The following CEP15 variants were observed in gnomAD, a reference collection of about 807,000 sequenced individuals.
The protein encoded by CEP15 is centrosomal protein 15.
At chr3:62,331,436 C>CCTAT in the CEP15 span, 1 of 1,523,732 alleles carries the variant, frequency 6.6e-7, no homozygotes, top group Non-Finnish European at 9.1e-7. Context: ...AAAGAGAGAC[C>CCTAT]CTATCTATCT....
the CEP15 span, chr3:62,331,496 A>G: frequency 8.6e-6 from 9 of 1,041,990 alleles, no homozygotes; most frequent in Admixed American, 4.0e-5. Flanking sequence ...TTTTCCAGAT[A>G]TATTTATTCA....
the CEP15 span, chr3:62,323,931 C>T: frequency 6.6e-6 from 1 of 152,192 alleles, no homozygotes; most frequent in Non-Finnish European, 1.5e-5. Flanking sequence ...TATTATATCA[C>T]AAACACAGTG....
chr3:62,333,274 T>G, the CEP15 span: 2 of 1,610,358 alleles, frequency 1.2e-6, no homozygotes, highest in Non-Finnish European at 1.7e-6. The surrounding 1 kb of genome is among the most constrained non-coding windows in gnomAD (Gnocchi z 4.0). Context: ...TGGGCATCAG[T>G]AGAAGAATAT....
chr3:62,321,234 T>A, the CEP15 span, among the ~76,000 whole-genome samples: 1 of 152,156 alleles, frequency 6.6e-6, no homozygotes, highest in African/African-American at 2.4e-5. This position sits in a 1 kb window ranked among gnomAD's most constrained non-coding sequence, Gnocchi z 4.1. Context: ...CAAAAACATA[T>A]AAAATAAGCA....
At chr3:62,331,350 TA>T in the CEP15 span, 5 of 1,613,020 alleles carry the variant, frequency 3.1e-6, no homozygotes, top group Non-Finnish European at 4.2e-6. Flanking sequence ...GAAAAGTCAC[TA>T]CAGACCAGGA....
At chr3:62,325,803 G>A in the CEP15 span, among the ~76,000 whole-genome samples, 1 of 152,080 alleles carries the variant, frequency 6.6e-6, no homozygotes, top group Non-Finnish European at 1.5e-5. Context: ...GGAGGCCAAG[G>A]CGGGCAGATC....
the CEP15 span, chr3:62,333,109 G>A: frequency 1.5e-6 from 1 of 651,846 alleles, no homozygotes; most frequent in Non-Finnish European, 2.3e-6. This position sits in a 1 kb window ranked among gnomAD's most constrained non-coding sequence, Gnocchi z 4.0. Flanking sequence ...ATATTCTGTA[G>A]AGGAAATGCA....
At chr3:62,328,486 A>C in the CEP15 span, among the ~76,000 whole-genome samples, 1 of 152,224 alleles carries the variant, frequency 6.6e-6, no homozygotes, top group Non-Finnish European at 1.5e-5. Flanking sequence ...CATAATAGTT[A>C]GATTTGTCAC....
the CEP15 span, chr3:62,333,636 TATTA>T: frequency 3.4e-6 from 1 of 291,676 alleles, no homozygotes; most frequent in African/African-American, 2.2e-5. The surrounding 1 kb of genome is among the most constrained non-coding windows in gnomAD (Gnocchi z 4.0). Context: ...GTGGACTCTT[TATTA>T]ATTAAATTAT....
At chr3:62,333,167 C>G in the CEP15 span, 1 of 1,300,668 alleles carries the variant, frequency 7.7e-7, no homozygotes, top group African/African-American at 1.5e-5. This position sits in a 1 kb window ranked among gnomAD's most constrained non-coding sequence, Gnocchi z 4.0. Flanking sequence ...CGCATACACA[C>G]TCTTAAGTGA....
the CEP15 span, chr3:62,333,889 A>G: frequency 6.6e-6 from 1 of 152,276 alleles, no homozygotes; most frequent in Non-Finnish European, 1.5e-5. The surrounding 1 kb of genome is among the most constrained non-coding windows in gnomAD (Gnocchi z 4.0). Flanking sequence ...AAATAAATTC[A>G]TAGGATTTTG....
chr3:62,331,440 T>C, the CEP15 span: 25 of 1,499,346 alleles, frequency 1.7e-5, no homozygotes, highest in African/African-American at 3.2e-4. Flanking sequence ...AGAGACCCTA[T>C]CTATCTATCA....
the CEP15 span, chr3:62,319,538 C>T: frequency 6.6e-6 from 1 of 152,162 alleles, no homozygotes; most frequent in Admixed American, 6.5e-5. Flanking sequence ...GCGGTGTTTC[C>T]GTTTTCCTTG....
chr3:62,322,023 T>G, the CEP15 span: 1 of 1,608,886 alleles, frequency 6.2e-7, no homozygotes, highest in East Asian at 2.2e-5. The surrounding 1 kb of genome is among the most constrained non-coding windows in gnomAD (Gnocchi z 5.5). Context: ...CTGTTGAGAC[T>G]GCTTTTAAAA....
At chr3:62,327,789 A>G in the CEP15 span, among the ~76,000 whole-genome samples, 1 of 152,190 alleles carries the variant, frequency 6.6e-6, no homozygotes, top group Non-Finnish European at 1.5e-5. Context: ...TTTCAAAATC[A>G]TAGTTTGGTT....
At chr3:62,328,185 T>C in the CEP15 span, among the ~76,000 whole-genome samples, 4 of 152,212 alleles carry the variant, frequency 2.6e-5, no homozygotes, top group African/African-American at 9.6e-5. Flanking sequence ...CATCAAGAGC[T>C]CATAACAGTA....
At chr3:62,329,841 G>C in the CEP15 span, among the ~76,000 whole-genome samples, 1 of 152,058 alleles carries the variant, frequency 6.6e-6, no homozygotes, top group African/African-American at 2.4e-5. Flanking sequence ...ACCATAATTG[G>C]ACTTGTGATT....
the CEP15 span, chr3:62,334,890 G>A: frequency 4.0e-5 from 6 of 151,736 alleles, no homozygotes. This position sits in a 1 kb window ranked among gnomAD's most constrained non-coding sequence, Gnocchi z 4.9. Flanking sequence ...TTGGTAAACA[G>A]ATTTAGATGT....
the CEP15 span, chr3:62,324,136 G>A: frequency 6.6e-6 from 1 of 152,062 alleles, no homozygotes; most frequent in East Asian, 1.9e-4. Context: ...TATAATCTTT[G>A]GATTACACTT....
Sources: allele counts gnomAD v4.1 joint callset (sites outside exome capture counted in the v4.1 genomes callset), GRCh38; gene constraint gnomAD v4.1.1; non-coding constraint Gnocchi (gnomAD v3.1); transcripts MANE v1.5; gene names NCBI Gene and HGNC (gene_info 2026-07-23, HGNC 2026-07-21).